The following MAPK9 variants were observed in gnomAD, a reference collection of about 807,000 sequenced individuals.
MAPK9 encodes the protein mitogen-activated protein kinase 9, also known as Jun kinase.
Under a neutral mutation model 57.1 loss-of-function variants are expected in MAPK9, and 30 were observed. The ratio of observed to expected loss-of-function variants is 0.53; its 90% confidence interval spans 0.39 to 0.71. The LOEUF is 0.71. MAPK9 is among the 30% of genes least tolerant of loss of function. MAPK9 has a pLI of 0.00. For synonymous variants in MAPK9, 155 were observed against 177.0 expected, an observed-to-expected ratio of 0.88 and a Z score of 0.99; for missense variants, 362 against 521.0, an observed-to-expected ratio of 0.69 and a Z score of 2.97.
At chr5:180,279,457 C>A (rs1245240487) in intron 2 of MAPK9, among the ~76,000 whole-genome samples, 1 of 152,132 alleles carries the variant, frequency 6.6e-6, no homozygotes, top group Non-Finnish European at 1.5e-5. Context: ...CTGAAAAAAA[C>A]AACTGTTTCC....
At chr5:180,286,518 C>G (rs754550067) in intron 1 of MAPK9, among the ~76,000 whole-genome samples, 1 of 151,814 alleles carries the variant, frequency 6.6e-6, no homozygotes, top group Non-Finnish European at 1.5e-5. Flanking sequence ...AACCTTGCAG[C>G]TCTCAGGGCC....
rs187897764 is a variant in MAPK9, at chr5:180,248,284, C to T, written c.616+689G>A. Among the ~76,000 whole-genome samples, 471 of 152,348 alleles carry T rather than the reference C, an allele frequency of 3.1e-3. 3 individuals are homozygous for T. Among genetic ancestry groups the T allele is most frequent in the Non-Finnish European group, 2.7e-3 (183 of 68,032 alleles). Reference sequence around the variant, plus strand: ...GAACAGGGGATCAAGTTTTCTCTCCCCTCCACAGGAAGCACATGAAGCTGT... The same window carrying T: ...GAACAGGGGATCAAGTTTTCTCTCCTCTCCACAGGAAGCACATGAAGCTGT... On this transcript the variant is annotated intron_variant, in intron 6 of 11. Coordinates refer to ENST00000452135, the MANE Select transcript of MAPK9 (RefSeq NM_002752.5).
At chr5:180,260,571 T>C (rs1295738145) in intron 5 of MAPK9, among the ~76,000 whole-genome samples, 2 of 152,206 alleles carry the variant, frequency 1.3e-5, no homozygotes. Context: ...CACGAAAATA[T>C]TGAGGTGAGA....
At chr5:180,273,671 T>C (rs955461313) in intron 2 of MAPK9, among the ~76,000 whole-genome samples, 1 of 152,256 alleles carries the variant, frequency 6.6e-6, no homozygotes, top group Admixed American at 6.5e-5. Flanking sequence ...CTTTTGTGTA[T>C]AATATGAGGT....
chr5:180,277,939 G>C (rs1048717824), intron 2 of MAPK9, among the ~76,000 whole-genome samples: 1 of 152,176 alleles, frequency 6.6e-6, no homozygotes, highest in African/African-American at 2.4e-5. Flanking sequence ...TTCCCTATTA[G>C]AACATAAGAT....
intron 7 of MAPK9, among the ~76,000 whole-genome samples, chr5:180,244,960 A>G (rs965209080): frequency 2.0e-5 from 3 of 152,022 alleles, no homozygotes; most frequent in Non-Finnish European, 4.4e-5. Flanking sequence ...CCCCGTCCTC[A>G]TCTCCTCATG....
chr5:180,242,845 G>T, intron 7 of MAPK9, 90 bp from the exon 8 acceptor site: 2 of 962,850 alleles, frequency 2.1e-6, no homozygotes, highest in South Asian at 2.1e-5. Flanking sequence ...TAAACCTATC[G>T]ACTAGGCCAC....
chr5:180,244,008 C>T (rs1581174487), intron 7 of MAPK9, among the ~76,000 whole-genome samples: 1 of 151,984 alleles, frequency 6.6e-6, no homozygotes, highest in East Asian at 1.9e-4. Flanking sequence ...CCATAACGGT[C>T]GGCTAATTTT....
At chr5:180,241,535 G>C (rs964187884) in intron 8 of MAPK9, among the ~76,000 whole-genome samples, 1 of 152,188 alleles carries the variant, frequency 6.6e-6, no homozygotes, top group Non-Finnish European at 1.5e-5. Context: ...TCTTGACCTC[G>C]TGATCCGCCT....
chr5:180,243,489 A>G (rs766627336), intron 7 of MAPK9, among the ~76,000 whole-genome samples: 2 of 152,180 alleles, frequency 1.3e-5, no homozygotes, highest in Non-Finnish European at 2.9e-5. Flanking sequence ...GGCTTGGGAT[A>G]ATTAGGATTA....
intron 2 of MAPK9, among the ~76,000 whole-genome samples, chr5:180,277,049 G>C (rs1761885504): frequency 6.6e-6 from 1 of 152,076 alleles, no homozygotes; most frequent in South Asian, 2.1e-4. Context: ...CCTGCACGTT[G>C]GTTTATCTGC....
chr5:180,273,348 CTTAATT>C (rs767311248), intron 2 of MAPK9, among the ~76,000 whole-genome samples: 14 of 151,938 alleles, frequency 9.2e-5, no homozygotes, highest in Non-Finnish European at 1.8e-4. Flanking sequence ...AACAACATTT[CTTAATT>C]TTAATACAAA....
In MAPK9 at chr5:180,269,342, G is replaced by A; in HGVS notation, c.190C>T (p.Gln64Ter). The A allele has an allele frequency of 6.2e-7, 1 of 1,613,882 alleles. No individual in the cohort carries two copies. Among genetic ancestry groups the A allele is most frequent in the Non-Finnish European group, 8.5e-7 (1 of 1,179,794 alleles). The change falls in exon 3 of 12, where the codon CAA (glutamine) becomes TAA (stop). Residue 64 changes from glutamine to a stop codon, truncating the protein, a stop_gained. Coordinates refer to ENST00000452135, the MANE Select transcript of MAPK9 (RefSeq NM_002752.5). LOFTEE classifies it high-confidence loss of function. ...VKKLSRPFQN[Q>*]THAKRAYREL... Reference sequence around the variant, plus strand: ...CGATAAGCTCTCTTTGCATGAGTTTGGTTCTGAAAAGGACGGCTTAGTTTC... The same window carrying A: ...CGATAAGCTCTCTTTGCATGAGTTTAGTTCTGAAAAGGACGGCTTAGTTTC...
Position 180,249,020 on chromosome 5 carries a change from T to A in MAPK9, c.569A>T (p.Tyr190Phe). The A allele has an allele frequency of 6.2e-7, 1 of 1,613,908 alleles. No individual in the cohort carries two copies. The highest frequency in any genetic ancestry group is 1.1e-5 in the South Asian group (1 of 91,012). The stretch of plus-strand genomic sequence containing the variant: ...CAGGATGACTTCGGGCGCCCGGTAG[T>A]ACCGTGTCACCACGTAAGGGGTCAT... ...FMMTPYVVTR[Y>F]YRAPEVILGM... Residue 190 changes from tyrosine to phenylalanine, a missense_variant, in exon 6 of 12, where the codon TAC becomes TTC. By Grantham distance (22) the Tyr-to-Phe change is conservative. Around this residue, in one of 3 missense-constraint regions of MAPK9, gnomAD observed 127 missense variants for 231.7 expected, o/e 0.55. Transcript: ENST00000452135.
intron 4 of MAPK9, among the ~76,000 whole-genome samples, chr5:180,263,591 G>A (rs909331802): frequency 6.6e-6 from 1 of 151,890 alleles, no homozygotes; most frequent in Non-Finnish European, 1.5e-5. Flanking sequence ...CTCTAGCCAC[G>A]CCACCTCTTG....
intron 1 of MAPK9, among the ~76,000 whole-genome samples, chr5:180,289,878 CA>C (rs1763082652): frequency 6.6e-6 from 1 of 152,180 alleles, no homozygotes; most frequent in Non-Finnish European, 1.5e-5. Flanking sequence ...TTTTTAGAGA[CA>C]GGGTCTTGCT....
At chr5:180,243,469 G>T (rs1201440798) in intron 7 of MAPK9, among the ~76,000 whole-genome samples, 1 of 152,132 alleles carries the variant, frequency 6.6e-6, no homozygotes, top group African/African-American at 2.4e-5. Context: ...ATTCCACAGG[G>T]TGCTTGTTAG....
chr5:180,243,759 T>C (rs1240017064), intron 7 of MAPK9, among the ~76,000 whole-genome samples: 1 of 152,230 alleles, frequency 6.6e-6, no homozygotes, highest in Non-Finnish European at 1.5e-5. Context: ...TCCTGGTTCA[T>C]ACATATTGTC....
At chr5:180,290,203 C>T (rs554544476) in intron 1 of MAPK9, among the ~76,000 whole-genome samples, 2 of 152,294 alleles carry the variant, frequency 1.3e-5, no homozygotes, top group East Asian at 3.9e-4. Flanking sequence ...GGTTCCTGTT[C>T]TTTAGGGTCC....
Sources: allele counts gnomAD v4.1 joint callset (sites outside exome capture counted in the v4.1 genomes callset), GRCh38; gene constraint gnomAD v4.1.1; regional missense constraint gnomAD v4.1.1; transcripts MANE v1.5; gene names NCBI Gene and HGNC (gene_info 2026-07-23, HGNC 2026-07-21).